Variants in PCDH15 observed in about 807,000 individuals in gnomAD.
The protein encoded by PCDH15 is protocadherin related 15.
PCDH15 carries 129 observed loss-of-function variants against 178.5 expected under a neutral mutation model. That is an observed-to-expected ratio of 0.72 (90% confidence interval 0.63 to 0.84). PCDH15 has a LOEUF of 0.84. PCDH15 is among the 40% of genes least tolerant of loss of function. The pLI is 0.00. For synonymous variants in PCDH15, 800 were observed against 732.0 expected (o/e 1.09, Z -1.50); for missense variants, 2,230 against 2,099.9 (o/e 1.06, Z -1.21).
chr10:55,159,205 A>T (rs1838984932), intron 2 of PCDH15, among the ~76,000 whole-genome samples: 1 of 151,878 alleles, frequency 6.6e-6, no homozygotes, highest in East Asian at 1.9e-4. Context: ...CATAAAAAAA[A>T]TTAAATCTAA....
chr10:55,545,392 C>T (rs1247618265), intron 2 of PCDH15, among the ~76,000 whole-genome samples: 3 of 152,022 alleles, frequency 2.0e-5, no homozygotes, highest in Admixed American at 6.6e-5. Flanking sequence ...TCTCCTTCCT[C>T]AGCCTCCCTA....
chr10:55,574,242 A>C (rs936206060), intron 2 of PCDH15, among the ~76,000 whole-genome samples: 1 of 152,018 alleles, frequency 6.6e-6, no homozygotes, highest in African/African-American at 2.4e-5. Flanking sequence ...CATACCATAT[A>C]TACAATATGA....
intron 1 of PCDH15, among the ~76,000 whole-genome samples, chr10:54,741,478 A>G (rs1012727135): frequency 1.3e-5 from 2 of 152,016 alleles, no homozygotes; most frequent in African/African-American, 4.8e-5. Context: ...ATGGCAGAAA[A>G]AAAATGAAGA....
chr10:53,817,164 GAGTT>G (rs10576515), intron 34 of PCDH15, among the ~76,000 whole-genome samples: 36,373 of 151,906 alleles, frequency 0.24, 4,668 homozygotes, highest in African/African-American at 0.29. Context: ...AGTTGTTGGT[GAGTT>G]AGTTATTTTA....
chr10:54,491,165 T>G (rs2079551349), intron 3 of PCDH15, among the ~76,000 whole-genome samples: 1 of 152,134 alleles, frequency 6.6e-6, no homozygotes, highest in South Asian at 2.1e-4. Flanking sequence ...CAATTCAAAG[T>G]TATCAGAAAA....
chr10:54,300,159 G>GT (rs1358565220), intron 8 of PCDH15, among the ~76,000 whole-genome samples: 1 of 152,126 alleles, frequency 6.6e-6, no homozygotes, highest in Non-Finnish European at 1.5e-5. Context: ...GGGGAAGAGT[G>GT]TTGTTTTTAC....
chr10:54,316,144 C>T (rs1204870773), intron 8 of PCDH15, among the ~76,000 whole-genome samples: 1 of 151,752 alleles, frequency 6.6e-6, no homozygotes, highest in African/African-American at 2.4e-5. Context: ...ATTTATTTTT[C>T]TCTCCAGCTG....
chr10:55,542,306 C>A (rs1455844493), intron 2 of PCDH15, among the ~76,000 whole-genome samples: 2 of 149,880 alleles, frequency 1.3e-5, no homozygotes, highest in Non-Finnish European at 3.0e-5. Flanking sequence ...TACAATATGT[C>A]CATATATGGA....
At chr10:55,445,422 A>G (rs1839293864) in intron 2 of PCDH15, among the ~76,000 whole-genome samples, 1 of 152,088 alleles carries the variant, frequency 6.6e-6, no homozygotes, top group Admixed American at 6.6e-5. Context: ...TTGTATTCTG[A>G]CTTCTGAGAC....
intron 2 of PCDH15, among the ~76,000 whole-genome samples, chr10:55,442,470 T>TATATATATTATATATATATAA (rs5785132): frequency 8.0e-6 from 1 of 124,698 alleles, no homozygotes; most frequent in South Asian, 2.5e-4. Flanking sequence ...TATATATATA[T>TATATATATTATATATATATAA]TATATATATA....
intron 2 of PCDH15, among the ~76,000 whole-genome samples, chr10:54,995,828 AC>A (rs1375560855): frequency 1.3e-5 from 2 of 151,512 alleles, no homozygotes; most frequent in Non-Finnish European, 2.9e-5. Flanking sequence ...CTTACCTACC[AC>A]CTGTTGTCTG....
At chr10:55,428,851 AT>A (rs1176356515) in intron 2 of PCDH15, among the ~76,000 whole-genome samples, 2 of 151,584 alleles carry the variant, frequency 1.3e-5, no homozygotes, top group Non-Finnish European at 3.0e-5. Flanking sequence ...TTATTGGCTT[AT>A]TTTTTCATTA....
At chr10:54,509,233 T>C (rs1449612135) in intron 3 of PCDH15, among the ~76,000 whole-genome samples, 3 of 152,052 alleles carry the variant, frequency 2.0e-5, no homozygotes, top group Non-Finnish European at 4.4e-5. Context: ...TTTCCACGTG[T>C]TGTGGGAGGG....
At chr10:55,342,716 T>C (rs573908186) in intron 2 of PCDH15, among the ~76,000 whole-genome samples, 25 of 152,272 alleles carry the variant, frequency 1.6e-4, no homozygotes, top group African/African-American at 5.3e-4. Context: ...ATGGACTCCT[T>C]AACAAAATTC....
At chr10:55,008,225 T>C (rs1839975875) in intron 2 of PCDH15, among the ~76,000 whole-genome samples, 1 of 150,846 alleles carries the variant, frequency 6.6e-6, no homozygotes, top group African/African-American at 2.4e-5. Flanking sequence ...ACTGATATAT[T>C]CTGGAGCACC....
At chr10:55,170,861 G>A (rs956941105) in intron 1 of PCDH15, among the ~76,000 whole-genome samples, 5 of 151,898 alleles carry the variant, frequency 3.3e-5, no homozygotes, top group African/African-American at 9.7e-5. Flanking sequence ...CAGCCTGGGC[G>A]ACACAGGGAG....
intron 2 of PCDH15, among the ~76,000 whole-genome samples, chr10:55,493,092 G>A (rs1840455507): frequency 6.6e-6 from 1 of 151,642 alleles, no homozygotes; most frequent in South Asian, 2.1e-4. Flanking sequence ...CATGATATGA[G>A]TATAACTAGA....
intron 2 of PCDH15, among the ~76,000 whole-genome samples, chr10:55,454,640 C>T (rs1372783896): frequency 3.0e-5 from 4 of 135,436 alleles, no homozygotes; most frequent in Non-Finnish European, 6.3e-5. Context: ...AAAAAATTAG[C>T]CGGATGTGGT....
chr10:53,838,488 G>T (rs943462330), intron 29 of PCDH15, among the ~76,000 whole-genome samples: 1 of 151,810 alleles, frequency 6.6e-6, no homozygotes, highest in African/African-American at 2.4e-5. Context: ...TCTCTAGAAG[G>T]TTTGCTAGTT....
Sources: gnomAD v4.1 joint callset for allele counts (sites outside exome capture counted in the v4.1 genomes callset) on GRCh38, gnomAD v4.1.1 for gene constraint, MANE v1.5 for transcripts, NCBI Gene and HGNC (gene_info 2026-07-23, HGNC 2026-07-21) for gene names.